Variants in COL10A1 observed in about 807,000 individuals in gnomAD.
The protein encoded by COL10A1 is collagen alpha-1(X) chain.
Under a neutral mutation model 18.2 loss-of-function variants are expected in COL10A1, and 10 were observed. The ratio of observed to expected loss-of-function variants is 0.55; its 90% CI spans 0.34 to 0.93. COL10A1 has a LOEUF of 0.93. Among genes scored for constraint, COL10A1 ranks in the 40% least tolerant of loss-of-function variants. The pLI is 0.02. For synonymous variants in COL10A1, 330 were observed against 316.6 expected (o/e 1.04, Z -0.45); for missense variants, 897 against 853.5 (o/e 1.05, Z -0.64).
At chr6:116,125,219 G>A (rs373709444) in intron 2 of COL10A1, 120 bp downstream of exon 2, 2 of 1,058,306 alleles carry the variant, frequency 1.9e-6, no homozygotes, top group South Asian at 1.5e-5. Context: ...TAATAATTTG[G>A]GCTAATTCAG....
intron 1 of COL10A1, among the ~76,000 whole-genome samples, chr6:116,131,763 T>C (rs1322843509): frequency 6.6e-6 from 1 of 152,180 alleles, no homozygotes; most frequent in African/African-American, 2.4e-5. Context: ...ACAGTTTATT[T>C]CATCACCCAG....
intron 1 of COL10A1, among the ~76,000 whole-genome samples, chr6:116,149,880 C>A (rs117472554): frequency 0.039 from 5,994 of 152,316 alleles, 157 homozygotes; most frequent in Non-Finnish European, 0.059. Context: ...AACAAACCAG[C>A]ATTAGGACTT....
chr6:116,159,798 T>G (rs1780285995), upstream of COL10A1, among the ~76,000 whole-genome samples: 1 of 152,106 alleles, frequency 6.6e-6, no homozygotes. Flanking sequence ...CCTTTTGGAG[T>G]CCCCAATATC....
chr6:116,164,380 A>G, the COL10A1 span, among the ~76,000 whole-genome samples: 41 of 151,994 alleles, frequency 2.7e-4, no homozygotes, highest in Non-Finnish European at 4.6e-4. Context: ...TTTAAAGTCT[A>G]TTTTATCTGA....
chr6:116,185,986 A>G, the COL10A1 span, among the ~76,000 whole-genome samples: 18 of 151,946 alleles, frequency 1.2e-4, no homozygotes, highest in East Asian at 3.3e-3. Context: ...TGCTTTAAGG[A>G]GGTTCTATTT....
chr6:116,204,855 GT>G, the COL10A1 span, among the ~76,000 whole-genome samples: 1 of 151,980 alleles, frequency 6.6e-6, no homozygotes, highest in African/African-American at 2.4e-5. Flanking sequence ...GTAATTATTT[GT>G]TATAATTACA....
the COL10A1 span, among the ~76,000 whole-genome samples, chr6:116,188,776 G>GT: frequency 6.6e-6 from 1 of 150,934 alleles, no homozygotes; most frequent in Admixed American, 6.6e-5. Context: ...ACAGATTTAT[G>GT]TTTTTTGTCT....
the COL10A1 span, among the ~76,000 whole-genome samples, chr6:116,182,220 A>AGTGT: frequency 1.2e-5 from 1 of 85,224 alleles, no homozygotes; most frequent in Non-Finnish European, 2.1e-5. Context: ...TATTCCATGG[A>AGTGT]GAGTGTGTGT....
intron 2 of COL10A1, among the ~76,000 whole-genome samples, chr6:116,124,362 C>T (rs992316831): frequency 2.2e-4 from 33 of 151,998 alleles, no homozygotes; most frequent in Non-Finnish European, 3.8e-4. Flanking sequence ...TATAGGCGGT[C>T]GTGTCAGTTG....
chr6:116,163,458 C>A (rs1398215572), upstream of COL10A1, among the ~76,000 whole-genome samples: 2 of 151,880 alleles, frequency 1.3e-5, no homozygotes, highest in Non-Finnish European at 2.9e-5. Flanking sequence ...TCTGTGGTAT[C>A]AATTTTAATG....
chr6:116,130,912 A>G (rs747889520), upstream of COL10A1, among the ~76,000 whole-genome samples: 93 of 152,094 alleles, frequency 6.1e-4, no homozygotes, highest in Non-Finnish European at 9.7e-4. Context: ...TATGTTTGCA[A>G]TTCTTTTGGT....
intron 1 of COL10A1, among the ~76,000 whole-genome samples, chr6:116,141,962 A>G (rs560724392): frequency 1.7e-4 from 26 of 151,814 alleles, no homozygotes; most frequent in Non-Finnish European, 2.8e-4. Context: ...TAGAAAATAT[A>G]TAGGAATTCC....
the COL10A1 span, among the ~76,000 whole-genome samples, chr6:116,214,820 TA>T: frequency 0.045 from 6,451 of 142,316 alleles, 409 homozygotes; most frequent in African/African-American, 0.15. Context: ...TAAAGTATAA[TA>T]AAAAAAAAAA....
At chr6:116,180,963 T>C in the COL10A1 span, among the ~76,000 whole-genome samples, 2 of 152,096 alleles carry the variant, frequency 1.3e-5, no homozygotes, top group Middle Eastern at 3.2e-3. Context: ...TAAAGAATTA[T>C]TGTTATATTT....
At chr6:116,211,901 A>G in the COL10A1 span, among the ~76,000 whole-genome samples, 2 of 152,002 alleles carry the variant, frequency 1.3e-5, no homozygotes, top group African/African-American at 4.8e-5. Flanking sequence ...CAACACACAC[A>G]ACACACTGAT....
At chr6:116,176,941 A>G in the COL10A1 span, among the ~76,000 whole-genome samples, 1 of 152,176 alleles carries the variant, frequency 6.6e-6, no homozygotes, top group Non-Finnish European at 1.5e-5. Flanking sequence ...GTAATTTTAG[A>G]AAGTTTATAA....
the COL10A1 span, among the ~76,000 whole-genome samples, chr6:116,214,399 G>A: frequency 1.3e-4 from 20 of 152,110 alleles, no homozygotes; most frequent in East Asian, 5.8e-4. Context: ...ATCAGATAAC[G>A]TTAAATATGC....
In COL10A1 at chr6:116,120,432, A is replaced by G. The variant is rs1205769692; in HGVS notation, c.1684T>C (p.Tyr562His). The G allele has an allele frequency of 1.2e-6, 2 of 1,614,238 alleles. No individual in the cohort carries two copies. Among genetic ancestry groups the G allele is most frequent in the Non-Finnish European group, 1.7e-6 (2 of 1,180,036 alleles). The change falls in exon 3 of 3, where the codon TAC becomes CAC. Residue 562 changes from tyrosine (Y) to histidine (H), a missense_variant. Tyr to His is a moderately conservative substitution (Grantham distance 83, BLOSUM62 2). Coordinates refer to ENST00000651968, the MANE Select transcript of COL10A1 (RefSeq NM_000493.4). The stretch of plus-strand genomic sequence containing the variant: ...GGTATGGGAGTTCCTATTGCTGGGT[A>G]AGCTTTGGAGAGAATAACAGTAAAA... ...SAFTVILSKA[Y>H]PAIGTPIPFD...
chr6:116,132,473 G>GTT lies in COL10A1; in HGVS notation c.-15-6968_-15-6967dup, dbSNP rs571997614. ...ATTTGTCTTTTTAATTTGCTTATGAGTTTTTTTTTTCATGTAAAACTTTCT... is the reference window on the plus strand; with the variant it reads ...ATTTGTCTTTTTAATTTGCTTATGAGTTTTTTTTTTTTCATGTAAAACTTTCT... On this transcript the variant is annotated intron_variant, in intron 1 of 1. Transcript: ENST00000418500. 6.1e-5 allele frequency among the ~76,000 whole-genome samples: 9 copies of GTT among 147,932 alleles called. No individual in the cohort carries two copies. In the East Asian group the frequency reaches 1.8e-3, roughly 29 times the overall value.
Sources: allele counts gnomAD v4.1 joint callset (sites outside exome capture counted in the v4.1 genomes callset), GRCh38; gene constraint gnomAD v4.1.1; transcripts MANE v1.5; gene names NCBI Gene and HGNC (gene_info 2026-07-23, HGNC 2026-07-21).